The following B3GALNT1 variants were observed in gnomAD, a reference collection of about 807,000 sequenced individuals.
B3GALNT1 encodes beta-1,3-N-acetylgalactosaminyltransferase 1 (Globoside blood group), also known as UDP-GalNAc:beta-1,3-N-acetylgalactosaminyltransferase 1.
A neutral mutation model predicts 27.3 loss-of-function variants in B3GALNT1; 17 were observed. That is an observed-to-expected ratio of 0.62 (90% CI 0.43 to 0.94). The LOEUF (loss-of-function observed/expected upper bound fraction) is 0.94. B3GALNT1 is among the 40% of genes least tolerant of loss of function. The probability of loss-of-function intolerance (pLI) is 0.00; values close to 1 mark genes in which losing one functional copy is unlikely to be tolerated. For synonymous variants in B3GALNT1, 141 were observed against 144.0 expected, an observed-to-expected ratio of 0.98 and a Z score of 0.15; for missense variants, 347 against 390.0, an observed-to-expected ratio of 0.89 and a Z score of 0.93.
rs938729946 is a variant in B3GALNT1, at chr3:161,084,958, G to A, written c.*801C>T. The A allele has an allele frequency of 6.6e-6, 1 of 152,124 alleles. No homozygotes were observed. The highest frequency in any genetic ancestry group is 2.4e-5 in the African/African-American group (1 of 41,436). 9.4% of individuals were successfully genotyped at this position (152,124 alleles called of 1,614,324 possible). A position where few individuals can be genotyped will look rare whatever the true frequency, so the allele number is the denominator to read the frequency against. On this transcript the variant is annotated 3_prime_UTR_variant, in exon 5 of 5. Transcript: ENST00000320474. ...GTGACTTCTAAAAACACTAGGAACT[G>A]TATTTTTTAAAAACAAGACAATACT... is the stretch of plus-strand genomic sequence containing the variant.
At chr3:161,104,207 G>T in intron 2 of B3GALNT1, 112 bp downstream of exon 2, 4 of 738,662 alleles carry the variant, frequency 5.4e-6, no homozygotes, top group African/African-American at 1.9e-5. Flanking sequence ...ATCAGGCATC[G>T]ACACATGCAT....
At chr3:161,098,224 C>T (rs891803079) in intron 4 of B3GALNT1, among the ~76,000 whole-genome samples, 1 of 152,128 alleles carries the variant, frequency 6.6e-6, no homozygotes, top group Non-Finnish European at 1.5e-5. Context: ...GACACCTGTT[C>T]AGGAGTCAGG....
In B3GALNT1 at chr3:161,084,295, T is replaced by G. The variant is rs1038051600; in HGVS notation, c.*1464A>C. The G allele has an allele frequency of 2.6e-5, 4 of 152,332 alleles. No homozygotes were observed. Among genetic ancestry groups the G allele is most frequent in the Admixed American group, 2.6e-4 (4 of 15,306 alleles). The allele number at this position is 152,332 out of a possible 1,614,324, so 9.4% of individuals were successfully genotyped here. On this transcript the variant is annotated 3_prime_UTR_variant, in exon 5 of 5. Coordinates refer to ENST00000320474, the MANE Select transcript of B3GALNT1 (RefSeq NM_003781.4). ...TTTAATTGATTTTATTATAACTGGA[T>G]TAGGTCTGAGCCCTGGGAAACAGAC...
intron 4 of B3GALNT1, among the ~76,000 whole-genome samples, chr3:161,092,496 A>T (rs763327797): frequency 1.7e-4 from 26 of 152,270 alleles, no homozygotes; most frequent in Non-Finnish European, 3.7e-4. Flanking sequence ...GGAAGAATGA[A>T]AGGAACATGT....
At position 161,101,761 on chromosome 3, in the gene B3GALNT1, T is replaced by C. The variant is rs374750559; in HGVS notation, c.-129-528A>G. On this transcript the variant is annotated intron_variant, in intron 3 of 4. Coordinates refer to ENST00000320474, the MANE Select transcript of B3GALNT1 (RefSeq NM_003781.4). ...ATAGAGGCATAAATTTAGAGCCTGT[T>C]ATCAGTATGGAGAAGGGAACTATTT... 1.8e-4 allele frequency among the ~76,000 whole-genome samples: 27 copies of C among 152,338 alleles called. 1 individual carries two copies. The South Asian group carries it at 5.6e-3, about 32-fold the overall frequency.
chr3:161,092,834 T>C (rs1057026934), intron 4 of B3GALNT1, among the ~76,000 whole-genome samples: 2 of 144,766 alleles, frequency 1.4e-5, no homozygotes, highest in Non-Finnish European at 3.0e-5. Context: ...TGGTGCAATC[T>C]CGGCTCACTG....
rs774506666 is a variant in B3GALNT1 at position 161,085,824 on chromosome 3, A to T, written c.931T>A (p.Phe311Ile). The change falls in exon 5 of 5, where the codon TTT (phenylalanine) becomes ATT (isoleucine). Residue 311 changes from phenylalanine to isoleucine, a missense_variant. Physicochemically the swap from Phe to Ile is conservative, Grantham distance 21 (BLOSUM62 0). Transcript: ENST00000320474. ...AAAGTGATGATCTCCTTGGAAGAAA[A>T]GCCATGGGCTGCAATCACACGTCTC... The part of the protein sequence containing the change: ...QLRRVIAAHG[F>I]SSKEIITFWQ... 6.2e-7 allele frequency: 1 copy of T among 1,614,074 alleles called. No homozygotes were observed. The highest frequency in any genetic ancestry group is 1.3e-5 in the African/African-American group (1 of 74,940).
chr3:161,104,285 C>T, intron 2 of B3GALNT1, 34 bp downstream of exon 2: 1 of 1,284,020 alleles, frequency 7.8e-7, no homozygotes, highest in Non-Finnish European at 1.0e-6. Context: ...AAACTTGTTC[C>T]CAGTTGAACA....
chr3:161,095,084 A>T (rs1381662124), intron 4 of B3GALNT1, among the ~76,000 whole-genome samples: 1 of 152,134 alleles, frequency 6.6e-6, no homozygotes, highest in East Asian at 1.9e-4. Context: ...CTCCCACCGC[A>T]GCCTCCCAAA....
intron 4 of B3GALNT1, among the ~76,000 whole-genome samples, chr3:161,089,768 T>TA (rs139048832): frequency 1.3e-3 from 186 of 148,396 alleles, no homozygotes; most frequent in African/African-American, 4.1e-3. Context: ...ACTTATCTAC[T>TA]AAAAAAAAAA....
At chr3:161,088,494 T>C (rs555089887) in intron 4 of B3GALNT1, among the ~76,000 whole-genome samples, 1 of 152,258 alleles carries the variant, frequency 6.6e-6, no homozygotes, top group East Asian at 1.9e-4. Flanking sequence ...AAGGATAAAA[T>C]ATAGATCTGT....
Position 161,086,113 on chromosome 3 carries a change from G to A in B3GALNT1, c.642C>T (p.Ser214=), listed in dbSNP as rs988575511. 4.4e-6 allele frequency: 7 copies of A among 1,605,942 alleles called. No homozygotes were observed. The highest frequency in any genetic ancestry group is 1.3e-5 in the African/African-American group (1 of 74,410). Residue 214 remains serine, a synonymous_variant, in exon 5 of 5, where the codon TCC becomes TCT. Coordinates refer to ENST00000320474, the MANE Select transcript of B3GALNT1 (RefSeq NM_003781.4). ...FTGYPLIDNY[S]YRGFYQKTHI... The stretch of plus-strand genomic sequence containing the variant: ...GGGTTTTTTGGTAAAATCCTCTATA[G>A]GAATAATTATCAATTAGAGGATAAC...
At chr3:161,091,336 C>A (rs574719453) in intron 4 of B3GALNT1, among the ~76,000 whole-genome samples, 1 of 152,114 alleles carries the variant, frequency 6.6e-6, no homozygotes, top group African/African-American at 2.4e-5. Flanking sequence ...CTAGAAATTA[C>A]CCCTGCAGTT....
intron 4 of B3GALNT1, among the ~76,000 whole-genome samples, chr3:161,096,802 C>T (rs935108873): frequency 3.3e-5 from 5 of 152,178 alleles, no homozygotes; most frequent in Non-Finnish European, 5.9e-5. Flanking sequence ...CTTCTTTAAC[C>T]CAGTGGTTCT....
At chr3:161,088,805 G>A (rs182461186) in intron 4 of B3GALNT1, among the ~76,000 whole-genome samples, 7 of 152,278 alleles carry the variant, frequency 4.6e-5, no homozygotes, top group Admixed American at 3.9e-4. Flanking sequence ...ATTTATAATT[G>A]CATATGGATG....
intron 4 of B3GALNT1, among the ~76,000 whole-genome samples, chr3:161,089,281 C>T (rs983531541): frequency 1.3e-5 from 2 of 152,152 alleles, no homozygotes; most frequent in African/African-American, 4.8e-5. Context: ...TGTGGTTCTA[C>T]CCTTGGCATC....
At position 161,084,594 on chromosome 3, in the gene B3GALNT1, T is replaced by A. The variant is rs1428450092; in HGVS notation, c.*1165A>T. The A allele has an allele frequency of 1.3e-5, 2 of 152,102 alleles. No homozygotes were observed. Among genetic ancestry groups the A allele is most frequent in the Non-Finnish European group, 2.9e-5 (2 of 67,998 alleles). The allele number at this position is 152,102 out of a possible 1,614,324, so 9.4% of individuals were successfully genotyped here. Reference sequence around the variant, plus strand: ...ATTAGCAGGTCCAACAAATGATATATCACCACGTCTATGAAGAAATTTCTT... The same window carrying A: ...ATTAGCAGGTCCAACAAATGATATAACACCACGTCTATGAAGAAATTTCTT... On this transcript the variant is annotated 3_prime_UTR_variant, in exon 5 of 5. Coordinates refer to ENST00000320474, the MANE Select transcript of B3GALNT1 (RefSeq NM_003781.4).
At chr3:161,094,032 T>C (rs1286667263) in intron 4 of B3GALNT1, among the ~76,000 whole-genome samples, 1 of 152,082 alleles carries the variant, frequency 6.6e-6, no homozygotes, top group African/African-American at 2.4e-5. Context: ...TCTCAAATAC[T>C]AGAAAAGCTC....
rs1230453138 is a variant in B3GALNT1, at chr3:161,085,584, G to T, written c.*175C>A. 9 of 659,102 alleles carry T rather than the reference G, an allele frequency of 1.4e-5. No individual in the cohort carries two copies. The highest frequency in any genetic ancestry group is 1.1e-4 in the South Asian group (6 of 53,460). The allele number at this position is 659,102 out of a possible 1,614,324, so 40.8% of individuals were successfully genotyped here. ...TTCCTCCACATATCATCTTTGAAGGGCCTGACTAATAAATCACAAGTGTAA... is the reference window on the plus strand; with the variant it reads ...TTCCTCCACATATCATCTTTGAAGGTCCTGACTAATAAATCACAAGTGTAA... On this transcript the variant is annotated 3_prime_UTR_variant, in exon 5 of 5. Transcript: ENST00000320474.
Sources: allele counts gnomAD v4.1 joint callset (sites outside exome capture counted in the v4.1 genomes callset), GRCh38; gene constraint gnomAD v4.1.1; transcripts MANE v1.5; gene names NCBI Gene and HGNC (gene_info 2026-07-23, HGNC 2026-07-21).